The following NFATC3 variants were observed in gnomAD, a reference collection of about 807,000 sequenced individuals.
NFATC3 encodes nuclear factor of activated T cells 3.
NFATC3 carries 46 observed loss-of-function variants against 98.6 expected under a neutral mutation model. The ratio of observed to expected loss-of-function variants is 0.47; its 90% confidence interval spans 0.37 to 0.60. The LOEUF (loss-of-function observed/expected upper bound fraction) is 0.60. Ranked by LOEUF, NFATC3 falls within the 20% of genes least tolerant of loss-of-function variation. NFATC3 has a pLI of 0.00. For synonymous variants in NFATC3, 512 were observed against 472.2 expected, an observed-to-expected ratio of 1.08 and a Z score of -1.09; for missense variants, 1,256 against 1,295.5, an observed-to-expected ratio of 0.97 and a Z score of 0.47.
At chr16:68,152,987 A>G (rs2038416641) in intron 3 of NFATC3, among the ~76,000 whole-genome samples, 1 of 152,224 alleles carries the variant, frequency 6.6e-6, no homozygotes, top group Non-Finnish European at 1.5e-5. Context: ...GTATTGCTGC[A>G]TTGGGACTTT....
rs542737872 is a variant in NFATC3, at chr16:68,191,005, A to C, written c.2336A>C (p.His779Pro). ...GATGAGAGTGTTAGTAAAGAACAGCATATGATTCCTTCTCCAATTGTACAC... is the reference window on the plus strand; with the variant it reads ...GATGAGAGTGTTAGTAAAGAACAGCCTATGATTCCTTCTCCAATTGTACAC... The part of the protein sequence containing the change: ...CRDESVSKEQ[H>P]MIPSPIVHQP... The change falls in exon 9 of 10, where the codon CAT becomes CCT. Residue 779 changes from histidine to proline, a missense_variant. By Grantham distance (77) the His-to-Pro change is moderately conservative. Around this residue, in one of 3 missense-constraint regions of NFATC3, gnomAD observed 636 missense variants for 617.3 expected, o/e 1.03. Transcript: ENST00000346183. 3.1e-6 allele frequency: 5 copies of C among 1,614,104 alleles called. No homozygotes were observed. Among genetic ancestry groups the C allele is most frequent in the Non-Finnish European group, 4.2e-6 (5 of 1,180,048 alleles).
At chr16:68,169,568 ATAAT>A (rs903451037) in intron 5 of NFATC3, among the ~76,000 whole-genome samples, 1 of 152,202 alleles carries the variant, frequency 6.6e-6, no homozygotes, top group African/African-American at 2.4e-5. Context: ...AGTAATTTAA[ATAAT>A]TTAAGTTCAT....
At chr16:68,163,128 T>C (rs2038977461) in intron 4 of NFATC3, among the ~76,000 whole-genome samples, 1 of 152,116 alleles carries the variant, frequency 6.6e-6, no homozygotes, top group East Asian at 1.9e-4. Context: ...AAGTCTCCCA[T>C]GTCTACCTCT....
At chr16:68,121,641 C>A (rs1174825884) in intron 1 of NFATC3, among the ~76,000 whole-genome samples, 1 of 148,932 alleles carries the variant, frequency 6.7e-6, no homozygotes, top group African/African-American at 2.5e-5. Context: ...CCATTGCACT[C>A]CAGTCTAGGT....
At chr16:68,206,595 A>G (rs1412339968) in intron 9 of NFATC3, among the ~76,000 whole-genome samples, 2 of 152,216 alleles carry the variant, frequency 1.3e-5, no homozygotes, top group Non-Finnish European at 1.5e-5. Context: ...GAATATTTTT[A>G]TATAGCATAT....
rs1188935149 is a variant in NFATC3 at position 68,227,672 on chromosome 16, T to C, written c.*1201T>C. 2 of 152,084 alleles carry C rather than the reference T, an allele frequency of 1.3e-5. No homozygotes were observed. The highest frequency in any genetic ancestry group is 1.5e-5 in the Non-Finnish European group (1 of 68,064). The allele number at this position is 152,084 out of a possible 1,614,324, so 9.4% of individuals were successfully genotyped here. A position where few individuals can be genotyped will look rare whatever the true frequency, so the allele number is the denominator to read the frequency against. ...AGAAGGCTCTGAGCACATCCAGAAG[T>C]GATAACCTGACCCTCCACACCAAAG... On this transcript the variant is annotated 3_prime_UTR_variant, in exon 10 of 10. Coordinates refer to ENST00000346183, the MANE Select transcript of NFATC3 (RefSeq NM_173165.3).
At chr16:68,199,148 G>A (rs527830886) in intron 9 of NFATC3, among the ~76,000 whole-genome samples, 65 of 152,182 alleles carry the variant, frequency 4.3e-4, no homozygotes, top group African/African-American at 1.4e-3. Context: ...CCCAGGAGGC[G>A]GAGGTTACAG....
chr16:68,116,541 C>T (rs758798700), intron 1 of NFATC3, among the ~76,000 whole-genome samples: 11 of 152,218 alleles, frequency 7.2e-5, no homozygotes, highest in Non-Finnish European at 1.2e-4. Context: ...TAGGACTGTT[C>T]GTCATAGTTA....
intron 9 of NFATC3, among the ~76,000 whole-genome samples, chr16:68,193,233 A>G (rs1248673900): frequency 2.0e-5 from 3 of 152,150 alleles, no homozygotes; most frequent in Non-Finnish European, 4.4e-5. Context: ...ACACTGTTTT[A>G]TATAAGGGAC....
At chr16:68,115,573 C>T (rs553497758) in intron 1 of NFATC3, among the ~76,000 whole-genome samples, 29 of 151,980 alleles carry the variant, frequency 1.9e-4, no homozygotes, top group Non-Finnish European at 2.8e-4. Flanking sequence ...TACAGGCACG[C>T]GGCACCATGC....
At chr16:68,216,774 C>T (rs1299113607) in intron 9 of NFATC3, among the ~76,000 whole-genome samples, 1 of 152,152 alleles carries the variant, frequency 6.6e-6, no homozygotes, top group Non-Finnish European at 1.5e-5. Context: ...CTCAAGCGAT[C>T]CGCCAACCTT....
chr16:68,113,746 A>G (rs564801747), intron 1 of NFATC3, among the ~76,000 whole-genome samples: 1 of 152,332 alleles, frequency 6.6e-6, no homozygotes, highest in East Asian at 1.9e-4. Flanking sequence ...GGGATATCAG[A>G]GTTCTGTCCA....
chr16:68,214,527 T>A, intron 9 of NFATC3: 1 of 986,100 alleles, frequency 1.0e-6, no homozygotes, highest in East Asian at 2.5e-5. Context: ...GGAGGGGGTA[T>A]GCACGGGCAT....
At chr16:68,094,466 T>G (rs1430965184) in intron 1 of NFATC3, among the ~76,000 whole-genome samples, 1 of 152,158 alleles carries the variant, frequency 6.6e-6, no homozygotes, top group Non-Finnish European at 1.5e-5. Context: ...GAATTTAGGA[T>G]GCAAGGAGAA....
chr16:68,108,396 G>T (rs2035777672), intron 1 of NFATC3, among the ~76,000 whole-genome samples: 1 of 152,114 alleles, frequency 6.6e-6, no homozygotes, highest in Admixed American at 6.6e-5. Flanking sequence ...TACATGTGTG[G>T]TCTTATTTCT....
At chr16:68,090,726 G>C (rs930143547) in intron 1 of NFATC3, among the ~76,000 whole-genome samples, 14 of 152,238 alleles carry the variant, frequency 9.2e-5, no homozygotes, top group African/African-American at 3.1e-4. Flanking sequence ...GTATGAAAAG[G>C]AGGAAGTTGG....
chr16:68,116,262 G>C (rs924214995), intron 1 of NFATC3, among the ~76,000 whole-genome samples: 1 of 151,762 alleles, frequency 6.6e-6, no homozygotes, highest in African/African-American at 2.4e-5. Context: ...ACTATTATCT[G>C]TAGGCTTTCT....
chr16:68,201,309 C>T (rs964564272), intron 9 of NFATC3, among the ~76,000 whole-genome samples: 2 of 152,116 alleles, frequency 1.3e-5, no homozygotes, highest in African/African-American at 4.8e-5. Flanking sequence ...TGGCTTACTG[C>T]AGCCTTGACC....
At chr16:68,185,236 C>G (rs1238208541) in intron 8 of NFATC3, among the ~76,000 whole-genome samples, 1 of 152,152 alleles carries the variant, frequency 6.6e-6, no homozygotes, top group East Asian at 1.9e-4. Context: ...CTTGGCCTTC[C>G]AAAGCGCTGG....
Sources: gnomAD v4.1 joint callset for allele counts (sites outside exome capture counted in the v4.1 genomes callset) on GRCh38, gnomAD v4.1.1 for gene constraint, gnomAD v4.1.1 regional missense constraint, MANE v1.5 for transcripts, NCBI Gene and HGNC (gene_info 2026-07-23, HGNC 2026-07-21) for gene names.